DLG2: variants seen among roughly 807,000 people sequenced by gnomAD.
DLG2 encodes the protein disks large homolog 2.
DLG2 carries 45 observed loss-of-function variants against 132.5 expected under a neutral mutation model. The observed-to-expected ratio is 0.34, with a 90% confidence interval of 0.27 to 0.44. The LOEUF (loss-of-function observed/expected upper bound fraction) is 0.44. Among genes scored for constraint, DLG2 ranks in the 20% least tolerant of loss-of-function variants. The pLI, the probability that DLG2 is intolerant of heterozygous loss-of-function variation, is 1.00. For synonymous variants in DLG2, 424 were observed against 419.6 expected, an observed-to-expected ratio of 1.01 and a Z score of -0.13; for missense variants, 1,045 against 1,196.9, an observed-to-expected ratio of 0.87 and a Z score of 1.87.
intron 6 of DLG2, among the ~76,000 whole-genome samples, chr11:84,617,982 A>G (rs1223976202): frequency 1.3e-5 from 2 of 152,110 alleles, no homozygotes; most frequent in Non-Finnish European, 2.9e-5. Flanking sequence ...AATTTGAAAG[A>G]AGGGCACTTA....
intron 14 of DLG2, among the ~76,000 whole-genome samples, chr11:83,953,044 T>C (rs1295224197): frequency 1.3e-5 from 2 of 152,190 alleles, no homozygotes; most frequent in Non-Finnish European, 2.9e-5. Context: ...TTTACACAGT[T>C]ATAGTTTGCC....
chr11:85,034,229 C>T (rs1438681935), intron 6 of DLG2, among the ~76,000 whole-genome samples: 4 of 152,004 alleles, frequency 2.6e-5, no homozygotes, highest in Non-Finnish European at 5.9e-5. Context: ...AGGCGCCTGC[C>T]ACCATGCCCG....
intron 11 of DLG2, among the ~76,000 whole-genome samples, chr11:84,012,283 T>C (rs2094929763): frequency 6.6e-6 from 1 of 152,160 alleles, no homozygotes; most frequent in Admixed American, 6.5e-5. Flanking sequence ...CTCCAGATCA[T>C]TGTGTACTAT....
At chr11:84,587,932 A>G (rs1593046088) in intron 6 of DLG2, among the ~76,000 whole-genome samples, 1 of 152,224 alleles carries the variant, frequency 6.6e-6, no homozygotes. Context: ...CATGGTGATC[A>G]TAACTGGATT....
chr11:85,238,929 C>A (rs941836436), intron 4 of DLG2, among the ~76,000 whole-genome samples: 2 of 151,822 alleles, frequency 1.3e-5, no homozygotes, highest in Non-Finnish European at 2.9e-5. Context: ...TAGTACCTAT[C>A]AAACAACTCA....
chr11:84,784,595 T>C (rs1423934752), intron 6 of DLG2, among the ~76,000 whole-genome samples: 1 of 152,034 alleles, frequency 6.6e-6, no homozygotes, highest in Non-Finnish European at 1.5e-5. Context: ...ATCATTTCAC[T>C]TCATCTGTAA....
intron 6 of DLG2, among the ~76,000 whole-genome samples, chr11:84,852,483 GA>G (rs139505187): frequency 0.023 from 3,531 of 152,098 alleles, 55 homozygotes; most frequent in Non-Finnish European, 0.036. Flanking sequence ...GCAATATTAG[GA>G]AAGAATGTCA....
At chr11:85,092,797 C>A (rs1162657516) in intron 6 of DLG2, among the ~76,000 whole-genome samples, 1 of 152,012 alleles carries the variant, frequency 6.6e-6, no homozygotes. Flanking sequence ...CATGCGCTGC[C>A]ACGACTGGCT....
intron 2 of DLG2, among the ~76,000 whole-genome samples, chr11:85,615,147 TC>T (rs1591332647): frequency 6.6e-6 from 1 of 152,230 alleles, no homozygotes; most frequent in African/African-American, 2.4e-5. Context: ...AGCCATGCTT[TC>T]AAATTTTCTA....
At chr11:85,415,388 C>T (rs2089738654) in intron 3 of DLG2, among the ~76,000 whole-genome samples, 1 of 152,146 alleles carries the variant, frequency 6.6e-6, no homozygotes, top group Non-Finnish European at 1.5e-5. Context: ...AATGGGACTG[C>T]TGGGTCAAAT....
At chr11:84,136,065 G>A (rs900235056) in intron 9 of DLG2, among the ~76,000 whole-genome samples, 2 of 152,122 alleles carry the variant, frequency 1.3e-5, no homozygotes, top group Non-Finnish European at 2.9e-5. Flanking sequence ...ATCAGATGGC[G>A]ATCCCAAGGT....
chr11:84,486,916 G>A (rs1339678914), intron 7 of DLG2, among the ~76,000 whole-genome samples: 1 of 152,106 alleles, frequency 6.6e-6, no homozygotes, highest in Non-Finnish European at 1.5e-5. Flanking sequence ...TATAATGCAT[G>A]TATAAGACAT....
At chr11:84,543,208 C>T (rs2099382120) in intron 6 of DLG2, among the ~76,000 whole-genome samples, 2 of 152,068 alleles carry the variant, frequency 1.3e-5, no homozygotes, top group African/African-American at 4.8e-5. Context: ...TCTGTTATTC[C>T]AATCCATTCT....
chr11:85,463,879 A>G (rs971057136), intron 3 of DLG2, among the ~76,000 whole-genome samples: 4 of 152,052 alleles, frequency 2.6e-5, no homozygotes, highest in African/African-American at 9.7e-5. Flanking sequence ...AATTATATCA[A>G]TGGCAGACAC....
chr11:85,040,839 C>T (rs1021851987), intron 6 of DLG2, among the ~76,000 whole-genome samples: 4 of 151,846 alleles, frequency 2.6e-5, no homozygotes, highest in African/African-American at 9.7e-5. Context: ...GTTCTAAATA[C>T]AGCAACTAAA....
At chr11:83,507,573 T>A (rs1267122445) in intron 21 of DLG2, among the ~76,000 whole-genome samples, 1 of 144,670 alleles carries the variant, frequency 6.9e-6, no homozygotes, top group Non-Finnish European at 1.5e-5. Context: ...ATATATATCC[T>A]ATAGATATCT....
chr11:84,664,210 G>C (rs941337653), intron 6 of DLG2, among the ~76,000 whole-genome samples: 2 of 152,072 alleles, frequency 1.3e-5, no homozygotes, highest in African/African-American at 4.8e-5. Context: ...TATTAGCTGT[G>C]AATGACATTT....
At chr11:84,988,795 A>C (rs1180761494) in intron 6 of DLG2, among the ~76,000 whole-genome samples, 1 of 152,178 alleles carries the variant, frequency 6.6e-6, no homozygotes, top group African/African-American at 2.4e-5. Flanking sequence ...TGATGGGTGC[A>C]CCAAAATCTC....
At chr11:83,913,288 T>A (rs12283927) in intron 15 of DLG2, among the ~76,000 whole-genome samples, 27,467 of 151,974 alleles carry the variant, frequency 0.18, 2,699 homozygotes, top group Non-Finnish European at 0.23. Context: ...TCTCAGTTGA[T>A]GGCACAGAGC....
Sources: allele counts gnomAD v4.1 joint callset (sites outside exome capture counted in the v4.1 genomes callset), GRCh38; gene constraint gnomAD v4.1.1; transcripts MANE v1.5; gene names NCBI Gene and HGNC (gene_info 2026-07-23, HGNC 2026-07-21).